The following AAGAB variants were observed in gnomAD, a reference collection of about 807,000 sequenced individuals.
The protein encoded by AAGAB is alpha and gamma adaptin binding protein, also known as alpha- and gamma-adaptin-binding protein p34.
In AAGAB, 38 loss-of-function variants were observed where a neutral mutation model predicts 44.1. The ratio of observed to expected loss-of-function variants is 0.86; its 90% CI spans 0.67 to 1.13. The LOEUF (loss-of-function observed/expected upper bound fraction) is 1.13, where lower values mean the gene tolerates loss of function less well. Among genes scored for constraint, AAGAB ranks in the 50% most tolerant of loss-of-function variants. The pLI is 0.00. For missense variants in AAGAB, 450 were observed against 373.8 expected, an observed-to-expected ratio of 1.20 and a Z score of -1.68; for synonymous variants, 131 against 131.8, an observed-to-expected ratio of 0.99 and a Z score of 0.04.
In AAGAB at chr15:67,254,610, C is replaced by A; in HGVS notation, c.22G>T (p.Ala8Ser). MAAGVPC[A>S]LVTSCSSVFS... ...ACGGAGGAGCAGCTGGTGACTAACG[C>A]ACAGGGTACGCCAGCAGCCATAGCT... The change falls in exon 1 of 10, where the codon GCG becomes TCG. Residue 8 changes from alanine to serine, a missense_variant. By Grantham distance (99) the Ala-to-Ser change is moderately conservative (BLOSUM62 1). Coordinates refer to ENST00000261880, the MANE Select transcript of AAGAB (RefSeq NM_024666.5). 2 of 1,607,702 alleles carry A rather than the reference C, an allele frequency of 1.2e-6. No homozygotes were observed. The highest frequency in any genetic ancestry group is 1.7e-6 in the Non-Finnish European group (2 of 1,178,498).
intron 5 of AAGAB, among the ~76,000 whole-genome samples, chr15:67,210,515 C>CAA (rs1389837020): frequency 1.1e-3 from 109 of 96,016 alleles, no homozygotes; most frequent in African/African-American, 3.8e-3. Context: ...GGCTCCGTCT[C>CAA]AAAAAAAAAA....
At chr15:67,212,738 A>G (rs1392339968) in intron 5 of AAGAB, among the ~76,000 whole-genome samples, 1 of 152,150 alleles carries the variant, frequency 6.6e-6, no homozygotes, top group Non-Finnish European at 1.5e-5. Context: ...GCATATTAAC[A>G]TTGCTCAAAA....
At chr15:67,251,547 C>T (rs1964873608) in intron 1 of AAGAB, among the ~76,000 whole-genome samples, 2 of 152,166 alleles carry the variant, frequency 1.3e-5, no homozygotes, top group Non-Finnish European at 2.9e-5. Flanking sequence ...TGCACCACTG[C>T]ATTTGGACTG....
At chr15:67,242,563 T>C (rs796373081) in intron 1 of AAGAB, among the ~76,000 whole-genome samples, 9 of 152,318 alleles carry the variant, frequency 5.9e-5, no homozygotes, top group African/African-American at 2.2e-4. Flanking sequence ...TCAAATATTT[T>C]GCAGTAGTTG....
chr15:67,211,914 C>G (rs8024648), intron 5 of AAGAB, among the ~76,000 whole-genome samples: 68,272 of 151,510 alleles, frequency 0.45, 15,851 homozygotes, highest in Non-Finnish European at 0.52. Flanking sequence ...GAGTCTCACT[C>G]TTTCGCCCAG....
At chr15:67,205,458 T>G (rs1271804334) in intron 7 of AAGAB, among the ~76,000 whole-genome samples, 1 of 152,166 alleles carries the variant, frequency 6.6e-6, no homozygotes, top group East Asian at 1.9e-4. Context: ...TGCCTAAATA[T>G]AGATTTGGAA....
chr15:67,233,279 G>C (rs918316165), intron 4 of AAGAB, among the ~76,000 whole-genome samples: 2 of 152,184 alleles, frequency 1.3e-5, no homozygotes, highest in African/African-American at 4.8e-5. Context: ...CAGGCAAAGG[G>C]TCATTACGAC....
rs555570129 is a variant in AAGAB at position 67,211,316 on chromosome 15, T to G, written c.536-1772A>C. Among the ~76,000 whole-genome samples, 3 of 152,322 alleles carry G rather than the reference T, an allele frequency of 2.0e-5. No individual in the cohort carries two copies. The East Asian group carries it at 5.8e-4, about 29-fold the overall frequency. On this transcript the variant is annotated intron_variant, in intron 5 of 9. Transcript: ENST00000261880. ...CAGTGGCAGCATGGTCAGAGGTTCA[T>G]GTGTACTCCTGGAGCCCCCCTTATC...
chr15:67,235,710 A>G (rs552054316), intron 4 of AAGAB, among the ~76,000 whole-genome samples: 2 of 152,252 alleles, frequency 1.3e-5, no homozygotes. Flanking sequence ...AGGATTATGG[A>G]AATGACAAAG....
At chr15:67,213,349 T>C (rs758485719) in intron 5 of AAGAB, among the ~76,000 whole-genome samples, 27 of 152,010 alleles carry the variant, frequency 1.8e-4, no homozygotes, top group Non-Finnish European at 3.2e-4. Flanking sequence ...CTTGGGATGA[T>C]TTTTTTTAAC....
At position 67,201,176 on chromosome 15, in the gene AAGAB, C is replaced by T. The variant is rs776807259; in HGVS notation, c.*1645G>A. 4.6e-5 allele frequency: 7 copies of T among 150,690 alleles called. No homozygotes were observed. In the South Asian group the frequency reaches 1.3e-3, roughly 27 times the overall value. The allele number at this position is 150,690 out of a possible 1,614,324, so 9.3% of individuals were successfully genotyped here. A position where few individuals can be genotyped will look rare whatever the true frequency, so the allele number is the denominator to read the frequency against. Reference sequence around the variant, plus strand: ...CATCTTTTAAGGAAAACATGTTCCACCTTTTTTTTTTTTTTGCAATCCCAG... The same window carrying T: ...CATCTTTTAAGGAAAACATGTTCCATCTTTTTTTTTTTTTTGCAATCCCAG... On this transcript the variant is annotated 3_prime_UTR_variant, in exon 10 of 10. Coordinates refer to ENST00000261880, the MANE Select transcript of AAGAB (RefSeq NM_024666.5).
At chr15:67,229,317 T>C (rs1047445982) in intron 5 of AAGAB, among the ~76,000 whole-genome samples, 2 of 151,462 alleles carry the variant, frequency 1.3e-5, no homozygotes, top group Non-Finnish European at 2.9e-5. Context: ...CCTGTAATCC[T>C]GGCTACTCAG....
chr15:67,234,877 A>T (rs983309515), intron 4 of AAGAB, among the ~76,000 whole-genome samples: 1 of 152,166 alleles, frequency 6.6e-6, no homozygotes, highest in Non-Finnish European at 1.5e-5. Context: ...AAGGAGAAAA[A>T]CCAGAGTTTT....
In AAGAB at chr15:67,254,621, C is replaced by T. The variant is rs1331773616; in HGVS notation, c.11G>A (p.Gly4Asp). 2 of 1,603,730 alleles carry T rather than the reference C, an allele frequency of 1.2e-6. No homozygotes were observed. Among genetic ancestry groups the T allele is most frequent in the South Asian group, 2.2e-5 (2 of 89,788 alleles). ...GCTGGTGACTAACGCACAGGGTACG[C>T]CAGCAGCCATAGCTGCGCTCGCGAG... is the stretch of plus-strand genomic sequence containing the variant. MAA[G>D]VPCALVTSCS... Residue 4 changes from glycine to aspartate, a missense_variant, in exon 1 of 10, where the codon GGC becomes GAC. Physicochemically the swap from Gly to Asp is moderately conservative, Grantham distance 94. Coordinates refer to ENST00000261880, the MANE Select transcript of AAGAB (RefSeq NM_024666.5).
chr15:67,232,128 C>T (rs554620003), intron 4 of AAGAB, among the ~76,000 whole-genome samples: 1 of 151,732 alleles, frequency 6.6e-6, no homozygotes, highest in South Asian at 2.1e-4. Flanking sequence ...GTGGCGCATG[C>T]ATGTAATTCC....
intron 4 of AAGAB, among the ~76,000 whole-genome samples, chr15:67,233,519 G>C (rs1310419748): frequency 6.6e-6 from 1 of 152,204 alleles, no homozygotes; most frequent in African/African-American, 2.4e-5. Flanking sequence ...AAAAAGGAAA[G>C]TTTCCCGAGT....
At chr15:67,247,509 C>T (rs1360915052) in intron 1 of AAGAB, among the ~76,000 whole-genome samples, 1 of 152,154 alleles carries the variant, frequency 6.6e-6, no homozygotes, top group Non-Finnish European at 1.5e-5. Flanking sequence ...ATGCTCAGAA[C>T]CCTCCAGGAT....
At chr15:67,227,453 A>C (rs746699700) in intron 5 of AAGAB, among the ~76,000 whole-genome samples, 1 of 152,238 alleles carries the variant, frequency 6.6e-6, no homozygotes, top group African/African-American at 2.4e-5. Flanking sequence ...GCATATTTTA[A>C]ATGGTAAATC....
intron 1 of AAGAB, among the ~76,000 whole-genome samples, chr15:67,247,217 C>T (rs139436488): frequency 4.6e-5 from 7 of 152,244 alleles, no homozygotes; most frequent in East Asian, 1.9e-4. Context: ...ACACTCACAA[C>T]GAGGGTTCAC....
Sources: allele counts gnomAD v4.1 joint callset (sites outside exome capture counted in the v4.1 genomes callset), GRCh38; gene constraint gnomAD v4.1.1; transcripts MANE v1.5; gene names NCBI Gene and HGNC (gene_info 2026-07-23, HGNC 2026-07-21).